The following XRCC4 variants were observed in gnomAD, a reference collection of about 807,000 sequenced individuals.
XRCC4 encodes the protein DNA repair protein XRCC4.
In XRCC4, 28 loss-of-function variants were observed where a neutral mutation model predicts 39.1. The ratio of observed to expected loss-of-function variants is 0.72; its 90% CI spans 0.53 to 0.98. XRCC4 has a LOEUF of 0.98. Among genes scored for constraint, XRCC4 ranks in the 50% least tolerant of loss-of-function variants. The pLI is 0.00. For missense variants in XRCC4, 350 were observed against 376.4 expected (o/e 0.93, Z 0.58); for synonymous variants, 123 against 126.4 (o/e 0.97, Z 0.18).
At chr5:83,321,444 T>C (rs942618711) in intron 7 of XRCC4, among the ~76,000 whole-genome samples, 7 of 152,190 alleles carry the variant, frequency 4.6e-5, no homozygotes, top group Non-Finnish European at 1.0e-4. Context: ...TTGTTAGAGC[T>C]TTTTGATTCT....
chr5:83,374,125 C>G, the XRCC4 span, among the ~76,000 whole-genome samples: 3 of 152,122 alleles, frequency 2.0e-5, no homozygotes, highest in East Asian at 5.8e-4. Context: ...TAAGAGGACC[C>G]AGAAGAGGTT....
intron 3 of XRCC4, among the ~76,000 whole-genome samples, chr5:83,134,521 A>G (rs1296430132): frequency 2.6e-5 from 4 of 152,170 alleles, no homozygotes; most frequent in South Asian, 2.1e-4. Flanking sequence ...AAACAGACCA[A>G]TCAGCTCTCT....
At chr5:83,101,088 A>C (rs1279204285) in intron 1 of XRCC4, among the ~76,000 whole-genome samples, 1 of 152,114 alleles carries the variant, frequency 6.6e-6, no homozygotes, top group East Asian at 1.9e-4. Context: ...TATAAGGATT[A>C]CTTTATAATG....
intron 6 of XRCC4, among the ~76,000 whole-genome samples, chr5:83,248,733 ATTC>A (rs1753202191): frequency 6.6e-6 from 1 of 152,202 alleles, no homozygotes; most frequent in South Asian, 2.1e-4. Context: ...ACCAGTTACT[ATTC>A]TTGTCAAATT....
At chr5:83,361,587 T>C in the XRCC4 span, among the ~76,000 whole-genome samples, 2 of 152,186 alleles carry the variant, frequency 1.3e-5, no homozygotes, top group South Asian at 4.1e-4. Flanking sequence ...CAATTTATAT[T>C]TGATTTTTAC....
At position 83,218,261 on chromosome 5, in the gene XRCC4, A is replaced by G. The variant is rs368736065; in HGVS notation, c.745+13340A>G. On this transcript the variant is annotated intron_variant, in intron 6 of 7. Coordinates refer to ENST00000396027, the MANE Select transcript of XRCC4 (RefSeq NM_003401.5). ...TTCTCAGTCTTTAATATGCTAATTA[A>G]TATGCATGGTGATAAAGATGGTACA... Among the ~76,000 whole-genome samples, 44 of 128,988 alleles carry G rather than the reference A, an allele frequency of 3.4e-4. No individual in the cohort carries two copies. The East Asian group carries it at 5.0e-3, about 15-fold the overall frequency. 84.6% of individuals were successfully genotyped at this position (128,988 alleles called of 152,430 possible). A position where few individuals can be genotyped will look rare whatever the true frequency, so the allele number is the denominator to read the frequency against.
chr5:83,184,595 C>T (rs2974443), intron 3 of XRCC4, among the ~76,000 whole-genome samples: 76,867 of 151,856 alleles, frequency 0.51, 20,705 homozygotes, highest in African/African-American at 0.69. Context: ...AAATTACTCA[C>T]AATATTTTAC....
intron 3 of XRCC4, among the ~76,000 whole-genome samples, chr5:83,193,354 T>C (rs1457006588): frequency 1.3e-5 from 2 of 152,224 alleles, no homozygotes; most frequent in African/African-American, 4.8e-5. Context: ...TTTATTTTTA[T>C]TCTGTAGAAT....
chr5:83,123,884 ATTG>A (rs970778363), intron 3 of XRCC4, among the ~76,000 whole-genome samples: 5 of 111,934 alleles, frequency 4.5e-5, no homozygotes, highest in Admixed American at 3.1e-4. Flanking sequence ...TTATTGTTAC[ATTG>A]ATTTTTTTTA....
intron 3 of XRCC4, among the ~76,000 whole-genome samples, chr5:83,172,392 T>C (rs1236465296): frequency 6.6e-6 from 1 of 152,186 alleles, no homozygotes; most frequent in Admixed American, 6.5e-5. Flanking sequence ...TTTTTGAGAA[T>C]AATAGGTTTG....
At chr5:83,277,062 CATCT>C (rs1754361048) in intron 7 of XRCC4, among the ~76,000 whole-genome samples, 1 of 111,102 alleles carries the variant, frequency 9.0e-6, no homozygotes, top group East Asian at 2.2e-4. Context: ...ATATTGAACT[CATCT>C]ATCTATGTAG....
intron 3 of XRCC4, among the ~76,000 whole-genome samples, chr5:83,133,776 T>G (rs10069402): frequency 0.48 from 73,642 of 151,952 alleles, 18,812 homozygotes; most frequent in African/African-American, 0.63. Context: ...GATTTTCCAG[T>G]TGAGAGGTGA....
rs61749611 is a variant in XRCC4 at position 83,353,207 on chromosome 5, A to C, written c.970A>C (p.Asn324His). The C allele has an allele frequency of 2.8e-4, 457 of 1,612,460 alleles. No homozygotes were observed. The highest frequency in any genetic ancestry group is 4.0e-4 in the Admixed American group (24 of 59,828). Residue 324 changes from asparagine to histidine, a missense_variant, in exon 8 of 8, where the codon AAC (asparagine) becomes CAC (histidine). Physicochemically the swap from Asn to His is moderately conservative, Grantham distance 68 (BLOSUM62 1). Coordinates refer to ENST00000396027, the MANE Select transcript of XRCC4 (RefSeq NM_003401.5). ...AAACATGTCTTTAGAAACTCTGAGA[A>C]ACAGCAGCCCAGAAGACCTCTTTGA... The part of the protein sequence containing the change: ...AENMSLETLR[N>H]SSPEDLFDEI
intron 3 of XRCC4, among the ~76,000 whole-genome samples, chr5:83,139,364 T>C (rs1422202221): frequency 6.6e-6 from 1 of 152,220 alleles, no homozygotes; most frequent in African/African-American, 2.4e-5. Context: ...GGATACTTGA[T>C]ATTCTTAAGC....
intron 6 of XRCC4, among the ~76,000 whole-genome samples, chr5:83,217,172 G>A (rs529696511): frequency 2.0e-5 from 3 of 151,794 alleles, no homozygotes; most frequent in Non-Finnish European, 2.9e-5. Context: ...TGGCCAACAT[G>A]GTGAAACCCC....
At chr5:83,137,064 T>C (rs1202877086) in intron 3 of XRCC4, among the ~76,000 whole-genome samples, 1 of 152,140 alleles carries the variant, frequency 6.6e-6, no homozygotes, top group African/African-American at 2.4e-5. Flanking sequence ...GTACCTTATA[T>C]ACAAAAAAAT....
downstream of XRCC4, among the ~76,000 whole-genome samples, chr5:83,356,519 C>T (rs1407209266): frequency 2.0e-5 from 3 of 152,100 alleles, no homozygotes; most frequent in Admixed American, 2.0e-4. Context: ...TCAATCATTG[C>T]TGTGTGTCAG....
At chr5:83,220,040 G>T (rs1752020681) in intron 6 of XRCC4, among the ~76,000 whole-genome samples, 1 of 151,908 alleles carries the variant, frequency 6.6e-6, no homozygotes. Flanking sequence ...TTAATATGAG[G>T]GTCTTTAGGT....
At chr5:83,302,455 A>G (rs1387962675) in intron 7 of XRCC4, among the ~76,000 whole-genome samples, 5 of 152,040 alleles carry the variant, frequency 3.3e-5, no homozygotes, top group Non-Finnish European at 5.9e-5. Flanking sequence ...GAGTTCCCCG[A>G]TCCCTTGCGC....
Sources: allele counts gnomAD v4.1 joint callset (sites outside exome capture counted in the v4.1 genomes callset), GRCh38; gene constraint gnomAD v4.1.1; transcripts MANE v1.5; gene names NCBI Gene and HGNC (gene_info 2026-07-23, HGNC 2026-07-21).